The following ZNF676 variants were observed in gnomAD, a reference collection of about 807,000 sequenced individuals.
ZNF676 encodes the protein zinc finger protein 676.
In ZNF676, 4 loss-of-function variants were observed where a neutral mutation model predicts 6.0. The ratio of observed to expected loss-of-function variants is 0.67; its 90% CI spans 0.33 to 1.53. ZNF676 has a LOEUF of 1.53. Among genes scored for constraint, ZNF676 ranks in the 40% most tolerant of loss-of-function variants. The pLI, the probability that ZNF676 is intolerant of heterozygous loss-of-function variation, is 0.06. For synonymous variants in ZNF676, 198 were observed against 223.1 expected (o/e 0.89, Z 1.00); for missense variants, 644 against 679.7 (o/e 0.95, Z 0.58).
chr19:22,229,110 G>T, the ZNF676 span, among the ~76,000 whole-genome samples: 2 of 152,070 alleles, frequency 1.3e-5, no homozygotes, highest in Non-Finnish European at 2.9e-5. Context: ...ATTGTAAAAG[G>T]CTACAGTAAC....
upstream of ZNF676, among the ~76,000 whole-genome samples, chr19:22,220,713 T>C (rs1184922965): frequency 6.6e-6 from 1 of 152,180 alleles, no homozygotes; most frequent in Non-Finnish European, 1.5e-5. Flanking sequence ...CACCTCGTCC[T>C]ACCAAAGTGC....
upstream of ZNF676, among the ~76,000 whole-genome samples, chr19:22,199,240 T>C (rs1415079911): frequency 6.6e-6 from 1 of 152,218 alleles, no homozygotes; most frequent in African/African-American, 2.4e-5. Flanking sequence ...GCGCTGTCAA[T>C]AATGATGTTG....
the ZNF676 span, among the ~76,000 whole-genome samples, chr19:22,245,726 G>A: frequency 6.6e-6 from 1 of 152,100 alleles, no homozygotes; most frequent in Non-Finnish European, 1.5e-5. Flanking sequence ...TAAAGGTAAA[G>A]ATATGTCATA....
intron 1 of ZNF676, among the ~76,000 whole-genome samples, chr19:22,211,951 G>A (rs1037019960): frequency 1.3e-5 from 2 of 152,102 alleles, no homozygotes; most frequent in Non-Finnish European, 2.9e-5. Context: ...TGTAATCTCA[G>A]CACTTTGGGA....
chr19:22,188,072 C>T lies in ZNF676; in HGVS notation c.130+4944G>A, dbSNP rs143032389. Among the ~76,000 whole-genome samples, 811 of 152,196 alleles carry T rather than the reference C, an allele frequency of 5.3e-3. 4 individuals are homozygous for T. The highest frequency in any genetic ancestry group is 0.018 in the African/African-American group (767 of 41,540). On this transcript the variant is annotated intron_variant, in intron 2 of 2. Coordinates refer to ENST00000397121, the MANE Select transcript of ZNF676 (RefSeq NM_001001411.3). ...GAGACACAACAAAAAAAGAAAATTT[C>T]AGGCCAATATCCCTGATGAACACTG...
intron 1 of ZNF676, among the ~76,000 whole-genome samples, chr19:22,194,875 C>T (rs1221039750): frequency 6.6e-6 from 1 of 152,062 alleles, no homozygotes; most frequent in Non-Finnish European, 1.5e-5. Context: ...GATTAGATCT[C>T]CCAGTCAGAG....
chr19:22,202,042 T>A (rs1182760571), intron 1 of ZNF676, among the ~76,000 whole-genome samples: 1 of 152,168 alleles, frequency 6.6e-6, no homozygotes, highest in Admixed American at 6.5e-5. Context: ...ATAAAAACTT[T>A]TTTTTTTCTT....
In ZNF676 at chr19:22,179,911, T is replaced by C; in HGVS notation, c.*39A>G. ...ATGAATTTTCTTATGTTTACTAGAC[T>C]GAGAATCAGCTGAAGGATTTACCAC... On this transcript the variant is annotated 3_prime_UTR_variant, in exon 3 of 3. Coordinates refer to ENST00000397121, the MANE Select transcript of ZNF676 (RefSeq NM_001001411.3). The C allele has an allele frequency of 1.3e-6, 2 of 1,590,586 alleles. No individual in the cohort carries two copies. Among genetic ancestry groups the C allele is most frequent in the Non-Finnish European group, 1.7e-6 (2 of 1,162,596 alleles).
At chr19:22,208,462 G>C (rs1405519875) in intron 1 of ZNF676, among the ~76,000 whole-genome samples, 6 of 152,146 alleles carry the variant, frequency 3.9e-5, no homozygotes, top group Non-Finnish European at 7.3e-5. Context: ...AAGCAGTGTA[G>C]TGATTCCTCA....
chr19:22,181,278 C>T lies in ZNF676; in HGVS notation c.439G>A (p.Val147Ile). ...TGTGAAAGCATGCAAAATGATCTGA[C>T]ATATTCTTTACATTTCAAACCTTTC... ...GEKGLKCKEY[V>I]RSFCMLSHLS... The change falls in exon 3 of 3, where the codon GTC becomes ATC. Residue 147 changes from valine to isoleucine, a missense_variant. This residue lies in a region of ZNF676 where 280 missense variants were observed against 269.3 expected (regional missense o/e 1.04). Coordinates refer to ENST00000397121, the MANE Select transcript of ZNF676 (RefSeq NM_001001411.3). The T allele has an allele frequency of 6.2e-7, 1 of 1,613,740 alleles. No individual in the cohort carries two copies. The highest frequency in any genetic ancestry group is 1.1e-5 in the South Asian group (1 of 91,070).
At chr19:22,212,013 C>T (rs1489521752) in intron 1 of ZNF676, among the ~76,000 whole-genome samples, 1 of 131,974 alleles carries the variant, frequency 7.6e-6, no homozygotes, top group Non-Finnish European at 1.7e-5. Context: ...TCCTGGCTAA[C>T]ATGGTGAAAC....
upstream of ZNF676, among the ~76,000 whole-genome samples, chr19:22,218,991 T>C (rs369162500): frequency 3.2e-4 from 49 of 151,206 alleles, 1 homozygote; most frequent in South Asian, 4.4e-3. Flanking sequence ...GCTCTCTTTT[T>C]ATTTTATATA....
At chr19:22,233,286 G>C in the ZNF676 span, among the ~76,000 whole-genome samples, 1 of 152,074 alleles carries the variant, frequency 6.6e-6, no homozygotes, top group Non-Finnish European at 1.5e-5. Flanking sequence ...TGGGATTACA[G>C]GTGTGAGCCA....
chr19:22,203,599 AT>A (rs111870802), intron 1 of ZNF676: 3,972 of 147,456 alleles, frequency 0.027, 60 homozygotes, highest in Non-Finnish European at 0.038. Context: ...TCTCAGCACA[AT>A]TTTTTTTTTT....
intron 1 of ZNF676, among the ~76,000 whole-genome samples, chr19:22,215,040 C>CA (rs1159376851): frequency 0.052 from 2,652 of 51,188 alleles, 94 homozygotes; most frequent in African/African-American, 0.088. Context: ...GACTCCATCT[C>CA]AAAAAAAAAA....
chr19:22,223,010 G>A, the ZNF676 span, among the ~76,000 whole-genome samples: 2 of 152,124 alleles, frequency 1.3e-5, no homozygotes, highest in Non-Finnish European at 2.9e-5. Context: ...CATAAACTGT[G>A]GATTGGAGTT....
chr19:22,214,957 C>G (rs1165493626), intron 1 of ZNF676, among the ~76,000 whole-genome samples: 1 of 145,922 alleles, frequency 6.9e-6, no homozygotes, highest in Non-Finnish European at 1.5e-5. Context: ...AGGAGAATGG[C>G]GTGAACCCGG....
intron 2 of ZNF676, among the ~76,000 whole-genome samples, chr19:22,188,087 G>A (rs1440087998): frequency 6.6e-6 from 1 of 152,102 alleles, no homozygotes; most frequent in East Asian, 1.9e-4. Context: ...CAATATCCCT[G>A]ATGAACACTG....
At chr19:22,204,451 C>G (rs1226338345) in intron 1 of ZNF676, among the ~76,000 whole-genome samples, 2 of 152,076 alleles carry the variant, frequency 1.3e-5, no homozygotes, top group Non-Finnish European at 2.9e-5. Flanking sequence ...CTAGAAAATA[C>G]TGTTTAATTT....
Sources: allele counts gnomAD v4.1 joint callset (sites outside exome capture counted in the v4.1 genomes callset), GRCh38; gene constraint gnomAD v4.1.1; regional missense constraint gnomAD v4.1.1; transcripts MANE v1.5; gene names NCBI Gene and HGNC (gene_info 2026-07-23, HGNC 2026-07-21).